Variants in ACAP2 observed in about 807,000 individuals in gnomAD.
ACAP2 encodes the protein arf-GAP with coiled-coil, ANK repeat and PH domain-containing protein 2.
A neutral mutation model predicts 115.8 loss-of-function variants in ACAP2; 39 were observed. That is an observed-to-expected ratio of 0.34 (90% CI 0.26 to 0.44). The LOEUF (loss-of-function observed/expected upper bound fraction) is 0.44. Among genes scored for constraint, ACAP2 ranks in the 20% least tolerant of loss-of-function variants. The pLI is 1.00. For missense variants in ACAP2, 662 were observed against 927.6 expected, an observed-to-expected ratio of 0.71 and a Z score of 3.72; for synonymous variants, 289 against 315.8, an observed-to-expected ratio of 0.92 and a Z score of 0.90.
intron 1 of ACAP2, among the ~76,000 whole-genome samples, chr3:195,404,947 A>G (rs1367115031): frequency 6.6e-6 from 1 of 151,800 alleles, no homozygotes; most frequent in Admixed American, 6.6e-5. Flanking sequence ...ACAGATGAGC[A>G]CCACAACACC....
intron 10 of ACAP2, among the ~76,000 whole-genome samples, chr3:195,314,971 C>G (rs1728992786): frequency 6.6e-6 from 1 of 152,206 alleles, no homozygotes; most frequent in African/African-American, 2.4e-5. Context: ...AGTTCCTTAT[C>G]TATCACCTAG....
chr3:195,308,643 CCT>C (rs1242453611), intron 11 of ACAP2, 141 bp downstream of exon 11: 2 of 658,610 alleles, frequency 3.0e-6, no homozygotes, highest in East Asian at 3.2e-5. Context: ...ACCCTAGAGT[CCT>C]CTTATACCTG....
At chr3:195,415,282 CTT>C (rs60818924) in intron 1 of ACAP2, among the ~76,000 whole-genome samples, 8 of 139,652 alleles carry the variant, frequency 5.7e-5, no homozygotes, top group Admixed American at 7.2e-5. Flanking sequence ...CTAAAAAAGT[CTT>C]TTTTTTTTTT....
intron 4 of ACAP2, among the ~76,000 whole-genome samples, chr3:195,374,325 G>A (rs1733372008): frequency 6.6e-6 from 1 of 152,216 alleles, no homozygotes; most frequent in Non-Finnish European, 1.5e-5. Flanking sequence ...AGGAGGCGGA[G>A]GTTGCAGTGA....
intron 1 of ACAP2, among the ~76,000 whole-genome samples, chr3:195,437,109 A>G (rs949538388): frequency 6.6e-6 from 1 of 152,212 alleles, no homozygotes; most frequent in African/African-American, 2.4e-5. Context: ...GTACAGTGGC[A>G]TCACCATAGC....
In ACAP2 at chr3:195,289,199, T is replaced by C. The variant is rs780570592; in HGVS notation, c.2096A>G (p.Asn699Ser). ...QVCLFLKRGANQHATDEEGKD... is the reference protein window; with the variant it reads ...QVCLFLKRGASQHATDEEGKD... ...CCCTTCTTCATCAGTGGCATGTTGATTGGCACCTCGTTTTAGGAATAAACA... is the reference window on the plus strand; with the variant it reads ...CCCTTCTTCATCAGTGGCATGTTGACTGGCACCTCGTTTTAGGAATAAACA... Residue 699 changes from asparagine to serine, a missense_variant, in exon 21 of 23, where the codon AAT (asparagine) becomes AGT (serine). Transcript: ENST00000326793. 7 of 1,613,458 alleles carry C rather than the reference T, an allele frequency of 4.3e-6. No homozygotes were observed. The highest frequency in any genetic ancestry group is 2.7e-5 in the African/African-American group (2 of 74,878).
intron 1 of ACAP2, among the ~76,000 whole-genome samples, chr3:195,409,441 G>C (rs1321123484): frequency 2.0e-5 from 3 of 151,756 alleles, no homozygotes; most frequent in South Asian, 2.1e-4. Flanking sequence ...AAAAAAAAAA[G>C]TACAAAAGAA....
intron 7 of ACAP2, chr3:195,335,793 A>C (rs575588818): frequency 6.6e-5 from 10 of 152,172 alleles, no homozygotes; most frequent in South Asian, 2.1e-4. Flanking sequence ...GGGAAAAAGT[A>C]AGTCAGTAAG....
chr3:195,386,296 G>A (rs1734297228), intron 2 of ACAP2, among the ~76,000 whole-genome samples: 1 of 152,100 alleles, frequency 6.6e-6, no homozygotes, highest in Admixed American at 6.6e-5. Context: ...AAATATTTTG[G>A]AATTAGATAG....
At chr3:195,288,678 TG>T (rs746439418) in intron 21 of ACAP2, among the ~76,000 whole-genome samples, 4 of 151,992 alleles carry the variant, frequency 2.6e-5, no homozygotes, top group Non-Finnish European at 4.4e-5. Flanking sequence ...GCCAACATGG[TG>T]AAACCCCATC....
chr3:195,421,849 T>C (rs1714218843), intron 1 of ACAP2, among the ~76,000 whole-genome samples: 1 of 152,246 alleles, frequency 6.6e-6, no homozygotes, highest in African/African-American at 2.4e-5. Context: ...CCTTAAAATA[T>C]GTTCTTTTCA....
chr3:195,419,760 T>A (rs1714021725), intron 1 of ACAP2, among the ~76,000 whole-genome samples: 1 of 152,204 alleles, frequency 6.6e-6, no homozygotes, highest in African/African-American at 2.4e-5. Flanking sequence ...AAACAGCCAG[T>A]TGTCTCTCAT....
At chr3:195,415,863 A>C (rs1339784744) in intron 1 of ACAP2, among the ~76,000 whole-genome samples, 1 of 152,106 alleles carries the variant, frequency 6.6e-6, no homozygotes, top group Non-Finnish European at 1.5e-5. Context: ...TTTTAGGATG[A>C]AAAAAACGCT....
intron 4 of ACAP2, among the ~76,000 whole-genome samples, chr3:195,366,854 A>C (rs1387980859): frequency 1.3e-5 from 2 of 152,078 alleles, no homozygotes; most frequent in Non-Finnish European, 2.9e-5. Flanking sequence ...GGGAAAAATG[A>C]AGGAGTCCTT....
At chr3:195,435,209 C>G (rs1007166548) in intron 1 of ACAP2, among the ~76,000 whole-genome samples, 2 of 151,518 alleles carry the variant, frequency 1.3e-5, no homozygotes, top group African/African-American at 4.9e-5. Flanking sequence ...GAGTCTCACT[C>G]TGTTGTCCAG....
At chr3:195,322,699 T>C (rs1729529254) in intron 9 of ACAP2, among the ~76,000 whole-genome samples, 1 of 152,170 alleles carries the variant, frequency 6.6e-6, no homozygotes, top group African/African-American at 2.4e-5. Flanking sequence ...GCAGTAAATA[T>C]AAATATAATT....
intron 1 of ACAP2, among the ~76,000 whole-genome samples, chr3:195,397,740 G>A (rs1448448146): frequency 6.6e-6 from 1 of 152,108 alleles, no homozygotes; most frequent in Non-Finnish European, 1.5e-5. Context: ...AGAGACGTAT[G>A]ACAAATGTTA....
At chr3:195,331,219 A>T (rs959946656) in intron 8 of ACAP2, among the ~76,000 whole-genome samples, 1 of 151,902 alleles carries the variant, frequency 6.6e-6, no homozygotes, top group African/African-American at 2.4e-5. Context: ...TACACCCTAC[A>T]TGTCTTTCCC....
chr3:195,295,134 T>C, intron 17 of ACAP2: 2 of 923,476 alleles, frequency 2.2e-6, no homozygotes, highest in South Asian at 1.4e-5. Flanking sequence ...TCTAGAGAAA[T>C]GGCCACACCG....
Sources: gnomAD v4.1 joint callset for allele counts (sites outside exome capture counted in the v4.1 genomes callset) on GRCh38, gnomAD v4.1.1 for gene constraint, MANE v1.5 for transcripts, NCBI Gene and HGNC (gene_info 2026-07-23, HGNC 2026-07-21) for gene names.